PDE7B: variants seen among roughly 807,000 people sequenced by gnomAD.
The protein encoded by PDE7B is phosphodiesterase 7B.
In PDE7B, 29 loss-of-function variants were observed where a neutral mutation model predicts 56.2. The ratio of observed to expected loss-of-function variants is 0.52; its 90% CI spans 0.38 to 0.70. The LOEUF is 0.70. PDE7B is among the 30% of genes least tolerant of loss of function. PDE7B has a pLI of 0.00. For missense variants in PDE7B, 490 were observed against 565.0 expected (o/e 0.87, Z 1.35); for synonymous variants, 197 against 196.9 (o/e 1.00, Z 0.00).
At chr6:136,045,485 T>C (rs1045294297) in intron 2 of PDE7B, among the ~76,000 whole-genome samples, 5 of 152,214 alleles carry the variant, frequency 3.3e-5, no homozygotes, top group Non-Finnish European at 7.3e-5. Context: ...CAAGTCGCTG[T>C]CCTGAGCATT....
chr6:136,108,666 AC>A (rs1469641330), intron 2 of PDE7B, 64 bp from the exon 3 acceptor site: 7 of 1,054,616 alleles, frequency 6.6e-6, no homozygotes, highest in South Asian at 5.0e-5. Context: ...TTGAGGATTT[AC>A]AGGGGAAAAG....
At chr6:136,147,816 C>A (rs532968074) in intron 4 of PDE7B, among the ~76,000 whole-genome samples, 14 of 152,320 alleles carry the variant, frequency 9.2e-5, no homozygotes, top group African/African-American at 3.1e-4. Context: ...TTTGGACTGG[C>A]AGATTACTAA....
At chr6:135,859,367 A>AG (rs1305982793) in intron 1 of PDE7B, among the ~76,000 whole-genome samples, 1 of 152,156 alleles carries the variant, frequency 6.6e-6, no homozygotes, top group Non-Finnish European at 1.5e-5. Context: ...GGAAAAGTGT[A>AG]GGTATTGCTC....
intron 2 of PDE7B, among the ~76,000 whole-genome samples, chr6:136,078,936 C>A (rs1777163434): frequency 6.6e-6 from 1 of 152,050 alleles, no homozygotes; most frequent in African/African-American, 2.4e-5. Context: ...TAATATCTTT[C>A]CAGACAGCTC....
chr6:135,908,746 A>G (rs1776160608), intron 1 of PDE7B, among the ~76,000 whole-genome samples: 2 of 152,208 alleles, frequency 1.3e-5, no homozygotes, highest in Non-Finnish European at 2.9e-5. Flanking sequence ...CCCATTTGCA[A>G]AAAGTTCAGG....
At chr6:135,923,013 C>G (rs1583772863) in intron 1 of PDE7B, among the ~76,000 whole-genome samples, 1 of 152,138 alleles carries the variant, frequency 6.6e-6, no homozygotes, top group East Asian at 1.9e-4. Context: ...GGCACAGATG[C>G]TTTTAATAAA....
chr6:136,173,730 T>C, intron 8 of PDE7B, 67 bp from the exon 9 acceptor site: 4 of 1,027,572 alleles, frequency 3.9e-6, no homozygotes, highest in Non-Finnish European at 6.1e-6. Flanking sequence ...CGTGGAGCTG[T>C]GTTCAGCATG....
intron 2 of PDE7B, among the ~76,000 whole-genome samples, chr6:136,009,719 T>C (rs1422137055): frequency 6.6e-6 from 1 of 152,218 alleles, no homozygotes; most frequent in Non-Finnish European, 1.5e-5. Flanking sequence ...CCTATCAGCT[T>C]AAGGAGATTT....
At chr6:136,132,065 C>T (rs112419581) in intron 3 of PDE7B, among the ~76,000 whole-genome samples, 4,675 of 152,138 alleles carry the variant, frequency 0.031, 268 homozygotes, top group African/African-American at 0.11. Flanking sequence ...ATGAGATCTA[C>T]CATCTTAGCA....
intron 2 of PDE7B, among the ~76,000 whole-genome samples, chr6:136,005,105 A>C (rs1194107711): frequency 1.3e-5 from 2 of 152,220 alleles, no homozygotes. Flanking sequence ...CAATGGGTAA[A>C]GGATTCCCTA....
intron 2 of PDE7B, among the ~76,000 whole-genome samples, chr6:136,070,559 A>G (rs1208864866): frequency 6.6e-6 from 1 of 152,126 alleles, no homozygotes; most frequent in Non-Finnish European, 1.5e-5. Flanking sequence ...TTTTTATTTT[A>G]AAAGGTTAGT....
intron 1 of PDE7B, among the ~76,000 whole-genome samples, chr6:135,925,609 G>GA (rs1011251201): frequency 1.5e-4 from 22 of 151,134 alleles, no homozygotes; most frequent in South Asian, 1.0e-3. Context: ...ACTTCAGCAT[G>GA]AAAAAAAAAT....
intron 1 of PDE7B, among the ~76,000 whole-genome samples, chr6:135,886,133 C>G (rs1775704681): frequency 6.6e-6 from 1 of 152,216 alleles, no homozygotes; most frequent in Non-Finnish European, 1.5e-5. Flanking sequence ...CAAATGGCAG[C>G]TGACTGAAGA....
chr6:135,935,190 T>TTTTATATATATATATTTTTATATA (rs1436649469), intron 1 of PDE7B, among the ~76,000 whole-genome samples: 3 of 36,192 alleles, frequency 8.3e-5, no homozygotes, highest in African/African-American at 1.2e-4. Flanking sequence ...ATATATTTAT[T>TTTTATATATATATATTTTTATATA]TATATATATA....
At chr6:136,063,675 T>A (rs963622394) in intron 2 of PDE7B, among the ~76,000 whole-genome samples, 3 of 152,162 alleles carry the variant, frequency 2.0e-5, no homozygotes, top group African/African-American at 7.2e-5. Context: ...CGCCCCTACT[T>A]TCCACTTCTC....
At chr6:135,905,928 C>A (rs1356667876) in intron 1 of PDE7B, among the ~76,000 whole-genome samples, 2 of 152,194 alleles carry the variant, frequency 1.3e-5, no homozygotes, top group Middle Eastern at 3.2e-3. Flanking sequence ...GGGAGCTCTC[C>A]TGCCCTGTGC....
chr6:135,884,884 C>A (rs1300186905), intron 1 of PDE7B, among the ~76,000 whole-genome samples: 3 of 152,086 alleles, frequency 2.0e-5, no homozygotes, highest in African/African-American at 4.8e-5. Context: ...TTAGAAGGGA[C>A]TATAGTGACC....
intron 2 of PDE7B, among the ~76,000 whole-genome samples, chr6:135,963,534 A>G (rs969423009): frequency 1.3e-5 from 2 of 152,194 alleles, no homozygotes; most frequent in Non-Finnish European, 2.9e-5. Flanking sequence ...TCCAAAGATG[A>G]ATGGTTATGT....
intron 2 of PDE7B, among the ~76,000 whole-genome samples, chr6:136,033,507 C>T (rs2128209198): frequency 6.6e-6 from 1 of 152,260 alleles, no homozygotes; most frequent in Admixed American, 6.5e-5. Context: ...TTCCCTTCTG[C>T]TGTTGCTCCC....
Sources: gnomAD v4.1 joint callset for allele counts (sites outside exome capture counted in the v4.1 genomes callset) on GRCh38, gnomAD v4.1.1 for gene constraint, MANE v1.5 for transcripts, NCBI Gene and HGNC (gene_info 2026-07-23, HGNC 2026-07-21) for gene names.